The following C17orf67 variants were observed in gnomAD, a reference collection of about 807,000 sequenced individuals.
C17orf67 encodes the protein uncharacterized protein C17orf67.
C17orf67 carries 12 observed loss-of-function variants against 11.2 expected under a neutral mutation model. The ratio of observed to expected loss-of-function variants is 1.07; its 90% confidence interval spans 0.68 to 1.73. C17orf67 has a LOEUF of 1.73. Among genes scored for constraint, C17orf67 ranks in the 40% most tolerant of loss-of-function variants. C17orf67 has a pLI of 0.00. For synonymous variants in C17orf67, 59 were observed against 46.9 expected (o/e 1.26, Z -1.05); for missense variants, 115 against 113.5 (o/e 1.01, Z -0.06).
Position 56,800,936 on chromosome 17 carries a change from C to T in C17orf67, c.157-5756G>A, listed in dbSNP as rs1905305638. Among the ~76,000 whole-genome samples, 4 of 152,332 alleles carry T rather than the reference C, an allele frequency of 2.6e-5. No homozygotes were observed. In the South Asian group the frequency reaches 6.2e-4, roughly 24 times the overall value. ...TGGTGGTGCACACTTGTAGTCCTTG[C>T]TACTCAGGAGGCTAAGGCGAGAGAA... On this transcript the variant is annotated intron_variant, in intron 6 of 7. Coordinates refer to ENST00000397861, the MANE Select transcript of C17orf67 (RefSeq NM_001085430.4).
intron 2 of C17orf67, among the ~76,000 whole-genome samples, chr17:56,829,004 G>A (rs1406779477): frequency 6.6e-6 from 1 of 152,194 alleles, no homozygotes; most frequent in Non-Finnish European, 1.5e-5. Flanking sequence ...TCCCAGCGGG[G>A]CACAGCTGCT....
chr17:56,805,098 G>C (rs1171780431), intron 6 of C17orf67, among the ~76,000 whole-genome samples: 1 of 152,192 alleles, frequency 6.6e-6, no homozygotes, highest in Non-Finnish European at 1.5e-5. Flanking sequence ...AAGTAATTTA[G>C]AACAGTCTAG....
Position 56,803,215 on chromosome 17 carries a change from G to A in C17orf67, c.157-8035C>T, listed in dbSNP as rs367794906. 2.0e-5 allele frequency among the ~76,000 whole-genome samples: 3 copies of A among 152,214 alleles called. No homozygotes were observed. The East Asian group carries it at 5.8e-4, about 29-fold the overall frequency. ...TGCTGGTGTTGAACTGGCTATGCAT[G>A]TTTTATGTGCATGTTGGGCAGACAT... On this transcript the variant is annotated intron_variant, in intron 6 of 7. Transcript: ENST00000397861.
At chr17:56,823,996 A>G (rs1905966487) in intron 4 of C17orf67, among the ~76,000 whole-genome samples, 1 of 152,222 alleles carries the variant, frequency 6.6e-6, no homozygotes, top group Admixed American at 6.5e-5. Flanking sequence ...ACAAAAGCTT[A>G]TTTGTACTTT....
At chr17:56,810,891 A>T (rs1326443817) in intron 6 of C17orf67, among the ~76,000 whole-genome samples, 1 of 152,260 alleles carries the variant, frequency 6.6e-6, no homozygotes, top group African/African-American at 2.4e-5. Flanking sequence ...CATGCCACTG[A>T]CTGGCATTAT....
At chr17:56,810,261 A>C (rs1390707067) in intron 6 of C17orf67, among the ~76,000 whole-genome samples, 1 of 129,794 alleles carries the variant, frequency 7.7e-6, no homozygotes. Flanking sequence ...TCGCTCTCCC[A>C]CACTCCTCAT....
At chr17:56,796,464 C>A (rs145889831) in intron 6 of C17orf67, among the ~76,000 whole-genome samples, 66 of 152,234 alleles carry the variant, frequency 4.3e-4, no homozygotes, top group African/African-American at 1.5e-3. Flanking sequence ...CACAAAGGAC[C>A]ACACGGTGTA....
intron 2 of C17orf67, among the ~76,000 whole-genome samples, chr17:56,831,139 C>G (rs754846422): frequency 7.3e-6 from 1 of 137,674 alleles, no homozygotes; most frequent in East Asian, 2.4e-4. Context: ...AGCAGGAAGA[C>G]CAGGTGGGAG....
chr17:56,805,054 G>C (rs1490596030), intron 6 of C17orf67, among the ~76,000 whole-genome samples: 6 of 152,126 alleles, frequency 3.9e-5, no homozygotes, highest in Non-Finnish European at 8.8e-5. Context: ...TTGGTGGTGG[G>C]GACCCAGAAG....
chr17:56,814,776 T>C lies in C17orf67; in HGVS notation c.156+93A>G, dbSNP rs773175011. 6.6e-6 allele frequency: 8 copies of C among 1,205,060 alleles called. No homozygotes were observed. The Admixed American group carries it at 1.0e-4, about 16-fold the overall frequency. The allele number at this position is 1,205,060 out of a possible 1,614,324, so 74.6% of individuals were successfully genotyped here. A position where few individuals can be genotyped will look rare whatever the true frequency, so the allele number is the denominator to read the frequency against. The stretch of plus-strand genomic sequence containing the variant: ...CTGAAACTCTAACCAAACCCCTAAC[T>C]AGCAGCCCATGCTGGGACCAACACC... On this transcript the variant is annotated intron_variant, in intron 6 of 7. Transcript: ENST00000397861.
chr17:56,814,095 C>T (rs1341042937), intron 6 of C17orf67, among the ~76,000 whole-genome samples: 1 of 152,200 alleles, frequency 6.6e-6, no homozygotes, highest in East Asian at 1.9e-4. Flanking sequence ...TTCTGAGCCT[C>T]AACATGGAGA....
intron 2 of C17orf67, among the ~76,000 whole-genome samples, chr17:56,828,548 T>C (rs1267843528): frequency 1.3e-5 from 2 of 152,146 alleles, no homozygotes; most frequent in Non-Finnish European, 2.9e-5. Context: ...TATTTTGAAA[T>C]CTGTCACACA....
At chr17:56,827,374 G>C (rs866499262) in intron 2 of C17orf67, among the ~76,000 whole-genome samples, 1 of 152,168 alleles carries the variant, frequency 6.6e-6, no homozygotes, top group African/African-American at 2.4e-5. Context: ...TGTCTGTTGT[G>C]GCTGTGGAAT....
At chr17:56,810,186 A>C in intron 6 of C17orf67, among the ~76,000 whole-genome samples, 1 of 132,764 alleles carries the variant, frequency 7.5e-6, no homozygotes, top group Admixed American at 7.5e-5. Context: ...CCTTGAACAC[A>C]CCCTTCACAC....
At chr17:56,795,974 TG>T (rs1348051030) in intron 6 of C17orf67, among the ~76,000 whole-genome samples, 1 of 152,254 alleles carries the variant, frequency 6.6e-6, no homozygotes, top group Non-Finnish European at 1.5e-5. Context: ...ATATTACTTA[TG>T]GCTATATGCA....
chr17:56,820,810 A>G (rs904478408), intron 4 of C17orf67, among the ~76,000 whole-genome samples: 15 of 139,808 alleles, frequency 1.1e-4, no homozygotes, highest in Admixed American at 1.0e-3. Flanking sequence ...GTCCCATTAC[A>G]CAGATATTTA....
intron 6 of C17orf67, among the ~76,000 whole-genome samples, chr17:56,797,307 G>A (rs1905231622): frequency 6.6e-6 from 1 of 152,182 alleles, no homozygotes; most frequent in African/African-American, 2.4e-5. Context: ...AGAACCCTTA[G>A]AGGAGCCATT....
At chr17:56,820,405 G>GAC (rs918154933) in intron 4 of C17orf67, among the ~76,000 whole-genome samples, 5 of 152,164 alleles carry the variant, frequency 3.3e-5, no homozygotes, top group Non-Finnish European at 7.3e-5. Flanking sequence ...CCCTGGAGAA[G>GAC]ACACCATTCC....
chr17:56,798,951 A>G lies in C17orf67; in HGVS notation c.157-3771T>C, dbSNP rs1905262448. On this transcript the variant is annotated intron_variant, in intron 6 of 7. Transcript: ENST00000397861. ...GGTGAAGGGGAGCTGATATACACAG[A>G]TCACATGGTGAGACAGGAGGCAAGA... Among the ~76,000 whole-genome samples, 6 of 152,204 alleles carry G rather than the reference A, an allele frequency of 3.9e-5. No individual in the cohort carries two copies. The South Asian group carries it at 1.2e-3, about 32-fold the overall frequency.
Sources: gnomAD v4.1 joint callset for allele counts (sites outside exome capture counted in the v4.1 genomes callset) on GRCh38, gnomAD v4.1.1 for gene constraint, MANE v1.5 for transcripts, NCBI Gene and HGNC (gene_info 2026-07-23, HGNC 2026-07-21) for gene names.